Variants in BTRC observed in about 807,000 individuals in gnomAD.
BTRC encodes the protein beta-transducin repeat containing E3 ubiquitin protein ligase.
A neutral mutation model predicts 85.5 loss-of-function variants in BTRC; 42 were observed. The observed-to-expected ratio is 0.49, with a 90% CI of 0.38 to 0.64. BTRC has a LOEUF of 0.64. Ranked by LOEUF, BTRC falls within the 30% of genes least tolerant of loss-of-function variation. The pLI, the probability that BTRC is intolerant of heterozygous loss-of-function variation, is 0.00. For synonymous variants in BTRC, 255 were observed against 263.3 expected (o/e 0.97, Z 0.30); for missense variants, 594 against 743.5 (o/e 0.80, Z 2.34).
At position 101,399,406 on chromosome 10, in the gene BTRC, T is replaced by C. The variant is rs994877209; in HGVS notation, c.49-30939T>C. ...TTAATGGTAGCAGGTCATGTATGAC[T>C]CATGACTTAGGTCATACAACTTAGG... On this transcript the variant is annotated intron_variant, in intron 1 of 14. Coordinates refer to ENST00000370187, the MANE Select transcript of BTRC (RefSeq NM_033637.4). Among the ~76,000 whole-genome samples the C allele has an allele frequency of 1.5e-4, 22 of 150,502 alleles. 1 individual carries two copies. The highest frequency in any genetic ancestry group is 1.4e-3 in the Admixed American group (21 of 15,026).
At chr10:101,367,452 A>G (rs887146683) in intron 1 of BTRC, among the ~76,000 whole-genome samples, 3 of 152,144 alleles carry the variant, frequency 2.0e-5, no homozygotes, top group African/African-American at 4.8e-5. Context: ...TAAAATATAT[A>G]TACAAATAGT....
At chr10:101,507,132 C>T (rs1212501212) in intron 4 of BTRC, among the ~76,000 whole-genome samples, 1 of 152,144 alleles carries the variant, frequency 6.6e-6, no homozygotes, top group Non-Finnish European at 1.5e-5. Context: ...CTTACTTCCC[C>T]AAGTCTGTAT....
intron 2 of BTRC, among the ~76,000 whole-genome samples, chr10:101,436,296 C>G (rs1055140883): frequency 3.3e-5 from 5 of 152,020 alleles, no homozygotes; most frequent in Non-Finnish European, 7.4e-5. Context: ...AATTAAGATT[C>G]TTTATTTTGC....
At chr10:101,490,209 T>C (rs982345338) in intron 4 of BTRC, among the ~76,000 whole-genome samples, 5 of 151,842 alleles carry the variant, frequency 3.3e-5, no homozygotes, top group Non-Finnish European at 7.4e-5. Context: ...TCCTCCCTTC[T>C]TCCCTCCCTC....
At chr10:101,520,742 G>C (rs1315483595) in intron 4 of BTRC, among the ~76,000 whole-genome samples, 4 of 152,154 alleles carry the variant, frequency 2.6e-5, no homozygotes, top group Middle Eastern at 3.2e-3. Context: ...CAGATCATTT[G>C]ATGTCAGGAG....
At chr10:101,372,241 GTTTTCTTTTTCT>G (rs567588612) in intron 1 of BTRC, among the ~76,000 whole-genome samples, 36 of 149,184 alleles carry the variant, frequency 2.4e-4, no homozygotes, top group South Asian at 6.4e-4. Flanking sequence ...GGCCTTTTGC[GTTTTCTTTTTCT>G]TTTTCTTTTT....
At chr10:101,527,761 GTCTCTCTC>G (rs5787436) in intron 6 of BTRC, among the ~76,000 whole-genome samples, 81 of 142,380 alleles carry the variant, frequency 5.7e-4, no homozygotes, top group Middle Eastern at 7.4e-3. Flanking sequence ...CTCTTTCTCT[GTCTCTCTC>G]TCTCTCTCTC....
intron 1 of BTRC, among the ~76,000 whole-genome samples, chr10:101,412,786 A>G (rs1411872347): frequency 6.6e-6 from 1 of 152,198 alleles, no homozygotes; most frequent in Non-Finnish European, 1.5e-5. Flanking sequence ...ACAGATACAC[A>G]CTAGTCTATT....
rs185425575 is a variant in BTRC, at chr10:101,395,298, G to C, written c.49-35047G>C. 4.3e-4 allele frequency among the ~76,000 whole-genome samples: 66 copies of C among 152,240 alleles called. 2 individuals are homozygous for C. The highest frequency in any genetic ancestry group is 3.8e-3 in the Admixed American group (58 of 15,296). ...TTCGTGTGAGAGTCTAGCCAGGCAG[G>C]CTAGGATAGGAAATTATTTTGTCTG... On this transcript the variant is annotated intron_variant, in intron 1 of 14. Coordinates refer to ENST00000370187, the MANE Select transcript of BTRC (RefSeq NM_033637.4).
intron 13 of BTRC, among the ~76,000 whole-genome samples, chr10:101,544,563 A>G (rs2062527213): frequency 6.6e-6 from 1 of 151,910 alleles, no homozygotes; most frequent in Admixed American, 6.6e-5. Flanking sequence ...GTGCCACCAT[A>G]TCTGGCTAAT....
intron 1 of BTRC, among the ~76,000 whole-genome samples, chr10:101,381,686 A>G (rs373017360): frequency 1.8e-4 from 27 of 152,278 alleles, no homozygotes; most frequent in African/African-American, 6.3e-4. Flanking sequence ...ATTATGAGAA[A>G]CACACGATGA....
intron 1 of BTRC, among the ~76,000 whole-genome samples, chr10:101,428,893 T>C (rs368237270): frequency 6.6e-6 from 1 of 152,220 alleles, no homozygotes; most frequent in Non-Finnish European, 1.5e-5. Flanking sequence ...TTTGAACTCC[T>C]GGGCTCAAGC....
chr10:101,553,359 T>G lies in BTRC; in HGVS notation c.*236T>G, dbSNP rs2062681589. 6.6e-6 allele frequency: 1 copy of G among 152,648 alleles called. No homozygotes were observed. The highest frequency in any genetic ancestry group is 1.5e-5 in the Non-Finnish European group (1 of 68,060). The allele number at this position is 152,648 out of a possible 1,614,324, so 9.5% of individuals were successfully genotyped here. On this transcript the variant is annotated 3_prime_UTR_variant, in exon 15 of 15. Transcript: ENST00000370187. ...TTCAGTGCTGCTATCAGAAGATGTC[T>G]TCTATCTTTTGTGAATGATTGGAAC...
chr10:101,473,207 CT>C (rs34197747), intron 3 of BTRC, among the ~76,000 whole-genome samples: 45,507 of 143,064 alleles, frequency 0.32, 9,117 homozygotes, highest in East Asian at 0.67. Context: ...GTTTATCTAT[CT>C]TTTTTTTTTT....
intron 2 of BTRC, among the ~76,000 whole-genome samples, chr10:101,449,829 T>C (rs528277675): frequency 1.3e-5 from 2 of 152,156 alleles, no homozygotes; most frequent in Non-Finnish European, 2.9e-5. Flanking sequence ...CTTTTTTTTT[T>C]CCCTGAAAGA....
intron 2 of BTRC, among the ~76,000 whole-genome samples, chr10:101,459,190 G>C (rs1162024554): frequency 6.6e-6 from 1 of 152,188 alleles, no homozygotes; most frequent in Non-Finnish European, 1.5e-5. Flanking sequence ...TTAGCCTGAT[G>C]ATCTAGGAAA....
chr10:101,489,441 G>A (rs1166387503), intron 4 of BTRC, among the ~76,000 whole-genome samples: 1 of 152,008 alleles, frequency 6.6e-6, no homozygotes, highest in Non-Finnish European at 1.5e-5. Context: ...CTTTTTATGG[G>A]TGTAAATATT....
chr10:101,443,072 C>T (rs1006798903), intron 2 of BTRC, among the ~76,000 whole-genome samples: 6 of 151,760 alleles, frequency 4.0e-5, no homozygotes, highest in Admixed American at 6.6e-5. Context: ...TTAGTAGAGA[C>T]GGGGTTTCAC....
At chr10:101,416,163 C>T (rs1943941288) in intron 1 of BTRC, among the ~76,000 whole-genome samples, 1 of 152,138 alleles carries the variant, frequency 6.6e-6, no homozygotes, top group Non-Finnish European at 1.5e-5. Context: ...CAAGGTTCAT[C>T]CATGTTGCAG....
Sources: allele counts gnomAD v4.1 joint callset (sites outside exome capture counted in the v4.1 genomes callset), GRCh38; gene constraint gnomAD v4.1.1; transcripts MANE v1.5; gene names NCBI Gene and HGNC (gene_info 2026-07-23, HGNC 2026-07-21).